SLC27A4: variants seen among roughly 807,000 people sequenced by gnomAD.
SLC27A4 encodes the protein long-chain fatty acid transport protein 4.
In SLC27A4, 33 loss-of-function variants were observed where a neutral mutation model predicts 64.4. The ratio of observed to expected loss-of-function variants is 0.51; its 90% CI spans 0.39 to 0.68. The LOEUF (loss-of-function observed/expected upper bound fraction) is 0.68, where lower values mean the gene tolerates loss of function less well. Among genes scored for constraint, SLC27A4 ranks in the 30% least tolerant of loss-of-function variants. The probability of loss-of-function intolerance (pLI) is 0.00; values close to 1 mark genes in which losing one functional copy is unlikely to be tolerated. For missense variants in SLC27A4, 824 were observed against 883.5 expected (o/e 0.93, Z 0.85); for synonymous variants, 377 against 370.0 (o/e 1.02, Z -0.22).
chr9:128,343,023 A>C (rs1335046517), intron 1 of SLC27A4, 104 bp from the exon 2 acceptor site: 6 of 1,447,826 alleles, frequency 4.1e-6, no homozygotes, highest in Non-Finnish European at 5.7e-6. Flanking sequence ...AAGCCTTACC[A>C]CAGGCTGTCC....
At chr9:128,360,258 T>C in intron 12 of SLC27A4, 76 bp from the exon 13 acceptor site, 1 of 1,524,362 alleles carries the variant, frequency 6.6e-7, no homozygotes, top group African/African-American at 1.4e-5. Flanking sequence ...CTCCCTGCCT[T>C]CCTCAGTACT....
In SLC27A4 at chr9:128,353,132, G is replaced by C; in HGVS notation, c.1095G>C (p.Gln365His). 6.2e-7 allele frequency: 1 copy of C among 1,614,238 alleles called. No homozygotes were observed. Among genetic ancestry groups the C allele is most frequent in the Non-Finnish European group, 8.5e-7 (1 of 1,180,056 alleles). Reference protein sequence around the residue: ...VRMALGNGLRQSIWTNFSSRF... With the variant: ...VRMALGNGLRHSIWTNFSSRF... Reference sequence around the variant, plus strand: ...TGGCACTAGGCAATGGCCTCCGGCAGTCCATCTGGACCAACTTTTCCAGCC... The same window carrying C: ...TGGCACTAGGCAATGGCCTCCGGCACTCCATCTGGACCAACTTTTCCAGCC... Residue 365 changes from glutamine (Q) to histidine (H), a missense_variant, in exon 8 of 13, where the codon CAG becomes CAC. Transcript: ENST00000300456. The surrounding 1 kb of genome is among the most constrained non-coding windows in gnomAD (Gnocchi z 4.9).
At position 128,345,692 on chromosome 9, in the gene SLC27A4, G is replaced by A; in HGVS notation, c.556+143G>A. The A allele has an allele frequency of 2.1e-6, 2 of 973,000 alleles. No individual in the cohort carries two copies. Among genetic ancestry groups the A allele is most frequent in the Admixed American group, 2.9e-5 (1 of 34,342 alleles). The allele number at this position is 973,000 out of a possible 1,614,324, so 60.3% of individuals were successfully genotyped here. A position where few individuals can be genotyped will look rare whatever the true frequency, so the allele number is the denominator to read the frequency against. Reference sequence around the variant, plus strand: ...TCAGACAGCTTAGGCAGTGCCACGAGTAAACGAGATCCTGGGGAAGGGACT... The same window carrying A: ...TCAGACAGCTTAGGCAGTGCCACGAATAAACGAGATCCTGGGGAAGGGACT... On this transcript the variant is annotated intron_variant, in intron 3 of 12. Transcript: ENST00000300456. The surrounding 1 kb of genome is among the most constrained non-coding windows in gnomAD (Gnocchi z 4.1).
At chr9:128,350,633 C>T in intron 6 of SLC27A4, 58 bp downstream of exon 6, 1 of 1,292,928 alleles carries the variant, frequency 7.7e-7, no homozygotes, top group African/African-American at 1.5e-5. Context: ...GGAACCCCAC[C>T]CCCATCAGGC....
At chr9:128,347,877 AAG>A (rs1491106483) in intron 3 of SLC27A4, among the ~76,000 whole-genome samples, 1 of 151,016 alleles carries the variant, frequency 6.6e-6, no homozygotes, top group African/African-American at 2.4e-5. Context: ...AAAAAAGCAA[AAG>A]AAAAAAAAAA....
At chr9:128,350,607 ACCTGCCAGGTCTCTAGGAAC>A in intron 6 of SLC27A4, 32 bp downstream of exon 6, 1 of 1,535,950 alleles carries the variant, frequency 6.5e-7, no homozygotes, top group Non-Finnish European at 8.9e-7. Flanking sequence ...AGCCTCCAGC[ACCTGCCAGGTCTCTAGGAAC>A]CCCACCCCCA....
intron 4 of SLC27A4, among the ~76,000 whole-genome samples, chr9:128,349,742 C>T (rs1337804265): frequency 1.3e-5 from 2 of 152,154 alleles, no homozygotes; most frequent in Admixed American, 6.5e-5. Flanking sequence ...TAGGGCCGAG[C>T]CTCACATAGA....
intron 1 of SLC27A4, chr9:128,342,419 A>G: frequency 6.2e-7 from 1 of 1,603,072 alleles, no homozygotes; most frequent in South Asian, 1.1e-5. Flanking sequence ...TTGCCTTCTT[A>G]TTTTACTTCT....
intron 6 of SLC27A4, among the ~76,000 whole-genome samples, chr9:128,352,058 G>A (rs1832744905): frequency 6.6e-6 from 1 of 152,028 alleles, no homozygotes; most frequent in South Asian, 2.1e-4. Context: ...AGCCGGGCGT[G>A]GTGGCGGGCG....
chr9:128,354,953 CAAAAAAAA>C, intron 9 of SLC27A4, 92 bp from the exon 10 acceptor site: 13 of 726,326 alleles, frequency 1.8e-5, no homozygotes, highest in Non-Finnish European at 2.1e-5. Context: ...AACTCCGTCT[CAAAAAAAA>C]AAAAAAAAAA....
At chr9:128,349,338 G>T (rs1039372037) in intron 4 of SLC27A4, among the ~76,000 whole-genome samples, 1 of 152,112 alleles carries the variant, frequency 6.6e-6, no homozygotes, top group African/African-American at 2.4e-5. Flanking sequence ...TGCTTCCTTT[G>T]TGTGAACCCT....
intron 12 of SLC27A4, among the ~76,000 whole-genome samples, chr9:128,359,771 C>T (rs1832872099): frequency 6.6e-6 from 1 of 152,178 alleles, no homozygotes; most frequent in African/African-American, 2.4e-5. Flanking sequence ...CATCACTTCA[C>T]TCCAGCCTGG....
At chr9:128,348,383 C>T (rs1405949363) in intron 3 of SLC27A4, among the ~76,000 whole-genome samples, 162 bp from the exon 4 acceptor site, 1 of 152,206 alleles carries the variant, frequency 6.6e-6, no homozygotes, top group Non-Finnish European at 1.5e-5. Flanking sequence ...CTAATAGAAC[C>T]ATTGCCGGTG....
Position 128,348,686 on chromosome 9 carries a change from C to T in SLC27A4, c.698C>T (p.Pro233Leu), listed in dbSNP as rs192211964. The T allele has an allele frequency of 5.2e-4, 844 of 1,614,040 alleles. 1 individual carries two copies. The highest frequency in any genetic ancestry group is 7.7e-4 in the Admixed American group (46 of 60,036). ...KDAPKHLPSCPDKGFTDKLFY... is the reference protein window; with the variant it reads ...KDAPKHLPSCLDKGFTDKLFY... ...GCTCCCAAGCACCTTCCCAGTTGCC[C>T]TGACAAGGGCTTCACAGGTGGGCTC... The change falls in exon 4 of 13, where the codon CCT (proline) becomes CTT (leucine). Residue 233 changes from proline (P) to leucine (L), a missense_variant. By Grantham distance (98) the Pro-to-Leu change is moderately conservative. Transcript: ENST00000300456.
At chr9:128,349,854 C>A (rs1832708352) in intron 4 of SLC27A4, among the ~76,000 whole-genome samples, 1 of 152,232 alleles carries the variant, frequency 6.6e-6, no homozygotes, top group Non-Finnish European at 1.5e-5. Context: ...CAGCTAATGC[C>A]TCCCTGTGCT....
At position 128,345,329 on chromosome 9, in the gene SLC27A4, C is replaced by G. The variant is rs1564399028; in HGVS notation, c.336C>G (p.Ser112Arg). 6.2e-7 allele frequency: 1 copy of G among 1,613,774 alleles called. No individual in the cohort carries two copies. The highest frequency in any genetic ancestry group is 1.3e-5 in the African/African-American group (1 of 74,906). Residue 112 changes from serine (S) to arginine (R), a missense_variant, in exon 3 of 13, where the codon AGC (serine) becomes AGG (arginine). Ser to Arg is a moderately radical substitution (Grantham distance 110). Transcript: ENST00000300456. The surrounding 1 kb of genome is among the most constrained non-coding windows in gnomAD (Gnocchi z 4.1). ...WTFRQLDEYS[S>R]SVANFLQARG... ...TCCGCCAGCTGGATGAGTACTCAAG[C>G]AGTGTAGCCAACTTCCTGCAGGCCC...
Position 128,353,965 on chromosome 9 carries a change from G to A in SLC27A4, c.1324+424G>A, listed in dbSNP as rs189591019. 1.5e-3 allele frequency among the ~76,000 whole-genome samples: 231 copies of A among 151,152 alleles called. 2 individuals carry two copies. Among genetic ancestry groups the A allele is most frequent in the Non-Finnish European group, 2.7e-4 (18 of 67,898 alleles). On this transcript the variant is annotated intron_variant, in intron 9 of 12. Transcript: ENST00000300456. The surrounding 1 kb of genome is among the most constrained non-coding windows in gnomAD (Gnocchi z 4.9). The stretch of plus-strand genomic sequence containing the variant: ...TCACCGTTTTAGCCGGGATGGTCTC[G>A]ATCTCCTGACCTCGTGATCCGCCCG...
chr9:128,346,212 GT>G (rs886364411), intron 3 of SLC27A4, among the ~76,000 whole-genome samples: 1 of 150,420 alleles, frequency 6.6e-6, no homozygotes, highest in African/African-American at 2.5e-5. Context: ...ACTAAAAAAA[GT>G]TTTTTGTTTT....
At chr9:128,351,718 A>G (rs967125148) in intron 6 of SLC27A4, among the ~76,000 whole-genome samples, 1 of 152,150 alleles carries the variant, frequency 6.6e-6, no homozygotes, top group African/African-American at 2.4e-5. Context: ...CTCTGTCTCA[A>G]AATAAATAAA....
Sources: gnomAD v4.1 joint callset for allele counts (sites outside exome capture counted in the v4.1 genomes callset) on GRCh38, gnomAD v4.1.1 for gene constraint, Gnocchi (gnomAD v3.1) non-coding constraint, MANE v1.5 for transcripts, NCBI Gene and HGNC (gene_info 2026-07-23, HGNC 2026-07-21) for gene names.